RANBP2: variants seen among roughly 807,000 people sequenced by gnomAD.
RANBP2 encodes the protein E3 SUMO-protein ligase RanBP2.
In RANBP2, 57 loss-of-function variants were observed where a neutral mutation model predicts 303.6. The observed-to-expected ratio is 0.19, with a 90% CI of 0.15 to 0.23. The LOEUF (loss-of-function observed/expected upper bound fraction) is 0.23. Among genes scored for constraint, RANBP2 ranks in the 10% least tolerant of loss-of-function variants. The pLI is 1.00. For missense variants in RANBP2, 3,138 were observed against 3,780.8 expected (o/e 0.83, Z 4.46); for synonymous variants, 1,167 against 1,301.5 (o/e 0.90, Z 2.23).
chr2:109,594,362 C>G, the RANBP2 span, among the ~76,000 whole-genome samples: 1 of 152,160 alleles, frequency 6.6e-6, no homozygotes, highest in Non-Finnish European at 1.5e-5. Context: ...GCGCTCTTCC[C>G]GAGAGGCACC....
At chr2:109,638,084 A>AATT in the RANBP2 span, among the ~76,000 whole-genome samples, 1 of 152,240 alleles carries the variant, frequency 6.6e-6, no homozygotes, top group Non-Finnish European at 1.5e-5. Context: ...ATCTGGGCTA[A>AATT]AGAGCATCAT....
the RANBP2 span, among the ~76,000 whole-genome samples, chr2:108,923,803 G>T: frequency 6.6e-6 from 1 of 152,220 alleles, no homozygotes; most frequent in South Asian, 2.1e-4. Flanking sequence ...CCCCCCAGGG[G>T]TCACACCAAC....
At chr2:108,838,847 C>T in the RANBP2 span, among the ~76,000 whole-genome samples, 1 of 151,902 alleles carries the variant, frequency 6.6e-6, no homozygotes. Flanking sequence ...CCAGAATATG[C>T]CATGGCAATA....
chr2:108,763,694 T>G lies in RANBP2; in HGVS notation c.3155T>G (p.Val1052Gly). 6.2e-7 allele frequency: 1 copy of G among 1,614,106 alleles called. No homozygotes were observed. Residue 1052 changes from valine (V) to glycine (G), a missense_variant, in exon 20 of 29, where the codon GTG (valine) becomes GGG (glycine). Coordinates refer to ENST00000283195, the MANE Select transcript of RANBP2 (RefSeq NM_006267.5). The stretch of plus-strand genomic sequence containing the variant: ...TTCACGTTTTCCTCACCACAGGTTG[T>G]GACACAGCCCCCTCCTGCAGCTTAC... ...GDFTFSSPQVVTQPPPAAYSN... is the reference protein window; with the variant it reads ...GDFTFSSPQVGTQPPPAAYSN...
the RANBP2 span, among the ~76,000 whole-genome samples, chr2:108,810,225 C>T: frequency 6.6e-6 from 1 of 152,132 alleles, no homozygotes; most frequent in African/African-American, 2.4e-5. Flanking sequence ...TGTTCTAGTT[C>T]TTAGAGGAAA....
chr2:108,833,894 A>ATTTTTTT, the RANBP2 span, among the ~76,000 whole-genome samples: 1 of 79,242 alleles, frequency 1.3e-5, no homozygotes, highest in African/African-American at 5.0e-5. Flanking sequence ...CGCCCGGCTA[A>ATTTTTTT]TTTTTTTTTT....
the RANBP2 span, among the ~76,000 whole-genome samples, chr2:109,384,633 G>A: frequency 3.5e-4 from 53 of 152,256 alleles, no homozygotes; most frequent in South Asian, 0.01. Context: ...GAGTGCCCGC[G>A]ACCTTGTGCC....
the RANBP2 span, among the ~76,000 whole-genome samples, chr2:109,629,865 T>C: frequency 6.6e-6 from 1 of 151,802 alleles, no homozygotes; most frequent in African/African-American, 2.4e-5. Flanking sequence ...ACATACGTTA[T>C]GTACCCCGCT....
chr2:109,246,316 G>A, the RANBP2 span, among the ~76,000 whole-genome samples: 2 of 152,202 alleles, frequency 1.3e-5, no homozygotes, highest in African/African-American at 4.8e-5. Flanking sequence ...CTGGCCTCCA[G>A]GTTCACAGAC....
the RANBP2 span, among the ~76,000 whole-genome samples, chr2:109,094,767 T>C: frequency 6.6e-6 from 1 of 151,910 alleles, no homozygotes; most frequent in Admixed American, 6.6e-5. Flanking sequence ...GAGGTGGAGG[T>C]TGCGGTGAGC....
the RANBP2 span, among the ~76,000 whole-genome samples, chr2:109,167,178 T>C: frequency 1.3e-5 from 2 of 152,236 alleles, no homozygotes; most frequent in African/African-American, 4.8e-5. Context: ...TTCCATTTTT[T>C]CCAGAACCAG....
chr2:108,876,204 A>G, the RANBP2 span: 34 of 1,613,176 alleles, frequency 2.1e-5, no homozygotes, highest in African/African-American at 1.1e-4. Context: ...ACTCTGTTCA[A>G]TCTGGGTTTA....
At chr2:109,579,782 T>G in the RANBP2 span, among the ~76,000 whole-genome samples, 1 of 152,084 alleles carries the variant, frequency 6.6e-6, no homozygotes, top group Non-Finnish European at 1.5e-5. Context: ...GAAAACTCCT[T>G]AAACTCCTTT....
At chr2:108,746,385 T>G (rs1696525044) in intron 7 of RANBP2, among the ~76,000 whole-genome samples, 1 of 149,896 alleles carries the variant, frequency 6.7e-6, no homozygotes, top group Admixed American at 6.7e-5. Context: ...GGCTCTTTGT[T>G]TTTTTTTTAT....
At chr2:109,709,231 G>A in the RANBP2 span, among the ~76,000 whole-genome samples, 8 of 151,272 alleles carry the variant, frequency 5.3e-5, no homozygotes, top group South Asian at 2.1e-4. Context: ...GCTTGAACCC[G>A]GAAGGCAGAG....
At chr2:109,517,465 G>C in the RANBP2 span, among the ~76,000 whole-genome samples, 1 of 152,236 alleles carries the variant, frequency 6.6e-6, no homozygotes, top group Admixed American at 6.5e-5. Context: ...TGAGTGAACA[G>C]AGTCCAAACA....
the RANBP2 span, among the ~76,000 whole-genome samples, chr2:109,338,373 G>T: frequency 3.9e-5 from 6 of 151,958 alleles, no homozygotes; most frequent in Non-Finnish European, 5.9e-5. Flanking sequence ...GAGCGCTGGG[G>T]ACCCAGTTCT....
At chr2:109,159,825 C>T in the RANBP2 span, among the ~76,000 whole-genome samples, 123,628 of 152,160 alleles carry the variant, frequency 0.81, 50,401 homozygotes, top group East Asian at 0.89. Context: ...GAGAATCTAA[C>T]GCCTCATGAT....
the RANBP2 span, among the ~76,000 whole-genome samples, chr2:108,804,201 T>A: frequency 2.6e-5 from 4 of 152,210 alleles, no homozygotes; most frequent in Non-Finnish European, 4.4e-5. Context: ...CTGTAGAAAC[T>A]TGTTTTAAAG....
Sources: gnomAD v4.1 joint callset for allele counts (sites outside exome capture counted in the v4.1 genomes callset) on GRCh38, gnomAD v4.1.1 for gene constraint, MANE v1.5 for transcripts, NCBI Gene and HGNC (gene_info 2026-07-23, HGNC 2026-07-21) for gene names.